ATXN1: variants seen among roughly 807,000 people sequenced by gnomAD.
The protein encoded by ATXN1 is ataxin-1.
Under a neutral mutation model 56.4 loss-of-function variants are expected in ATXN1, and 8 were observed. The ratio of observed to expected loss-of-function variants is 0.14; its 90% CI spans 0.08 to 0.26. The LOEUF is 0.26. Among genes scored for constraint, ATXN1 ranks in the 10% least tolerant of loss-of-function variants. The pLI is 1.00. For missense variants in ATXN1, 987 were observed against 1,106.5 expected (o/e 0.89, Z 1.53); for synonymous variants, 514 against 494.6 (o/e 1.04, Z -0.52).
intron 6 of ATXN1, among the ~76,000 whole-genome samples, chr6:16,402,565 C>T (rs1002353924): frequency 2.6e-5 from 4 of 152,264 alleles, no homozygotes; most frequent in Middle Eastern, 3.4e-3. Flanking sequence ...CTTATGAGAT[C>T]TTTCCCACTG....
chr6:16,600,717 A>C (rs1466633799), intron 3 of ATXN1, among the ~76,000 whole-genome samples: 3 of 152,224 alleles, frequency 2.0e-5, no homozygotes, highest in African/African-American at 4.8e-5. Flanking sequence ...CCCATTCAAC[A>C]ACAAATGTTT....
intron 5 of ATXN1, among the ~76,000 whole-genome samples, chr6:16,502,038 G>GT (rs574671427): frequency 2.6e-4 from 39 of 152,336 alleles, no homozygotes; most frequent in African/African-American, 9.1e-4. Context: ...AAGGAGTAAG[G>GT]ATTTGCTGAA....
intron 6 of ATXN1, among the ~76,000 whole-genome samples, chr6:16,480,208 C>T (rs1760408942): frequency 6.7e-6 from 1 of 149,864 alleles, no homozygotes; most frequent in Non-Finnish European, 1.5e-5. Flanking sequence ...AAAATGGTGG[C>T]CTGGTGGCCA....
intron 5 of ATXN1, among the ~76,000 whole-genome samples, chr6:16,498,479 T>C (rs1216860102): frequency 6.6e-6 from 1 of 152,206 alleles, no homozygotes; most frequent in Non-Finnish European, 1.5e-5. Flanking sequence ...TGAATACCTG[T>C]TTGCAAATCT....
intron 6 of ATXN1, among the ~76,000 whole-genome samples, chr6:16,460,673 T>G (rs1200775639): frequency 6.6e-6 from 1 of 152,156 alleles, no homozygotes; most frequent in Non-Finnish European, 1.5e-5. Flanking sequence ...AGCCCAGACT[T>G]ATGCTTCCCA....
In ATXN1 at chr6:16,306,388, A is replaced by G; in HGVS notation, c.2389T>C (p.Ser797Pro). Residue 797 changes from serine (S) to proline (P), a missense_variant, in exon 8 of 8, where the codon TCT (serine) becomes CCT (proline). Physicochemically the swap from Ser to Pro is moderately conservative, Grantham distance 74. Around this residue, in one of 3 missense-constraint regions of ATXN1, gnomAD observed 196 missense variants for 196.7 expected, o/e 1.00. Transcript: ENST00000436367. The surrounding 1 kb of genome is among the most constrained non-coding windows in gnomAD (Gnocchi z 5.2). Reference sequence around the variant, plus strand: ...ATCTTAACCTCCTGAGGAATTAGAGAAGGCTTAGGAAGAGTCAAAGGTGGT... The same window carrying G: ...ATCTTAACCTCCTGAGGAATTAGAGGAGGCTTAGGAAGAGTCAAAGGTGGT... The part of the protein sequence containing the change: ...DEPPLTLPKP[S>P]LIPQEVKICI... 1.2e-6 allele frequency: 2 copies of G among 1,614,000 alleles called. No individual in the cohort carries two copies. Among genetic ancestry groups the G allele is most frequent in the Non-Finnish European group, 1.7e-6 (2 of 1,179,978 alleles).
chr6:16,451,341 A>C (rs1759748584), intron 6 of ATXN1, among the ~76,000 whole-genome samples: 1 of 152,170 alleles, frequency 6.6e-6, no homozygotes, highest in African/African-American at 2.4e-5. Flanking sequence ...GAAAATACAA[A>C]AATTAGTTAG....
At chr6:16,626,481 G>C (rs181883574) in intron 3 of ATXN1, among the ~76,000 whole-genome samples, 1 of 152,062 alleles carries the variant, frequency 6.6e-6, no homozygotes, top group African/African-American at 2.4e-5. Context: ...TAGTAGAGAC[G>C]GGGTTTCACC....
At chr6:16,399,932 A>T (rs1758534340) in intron 6 of ATXN1, among the ~76,000 whole-genome samples, 1 of 152,178 alleles carries the variant, frequency 6.6e-6, no homozygotes, top group Non-Finnish European at 1.5e-5. Flanking sequence ...CTCCTGGAGG[A>T]CATCCTCTGA....
At chr6:16,458,740 T>C (rs976151229) in intron 6 of ATXN1, among the ~76,000 whole-genome samples, 14 of 152,240 alleles carry the variant, frequency 9.2e-5, no homozygotes, top group Admixed American at 7.8e-4. Context: ...AAAAAGACTG[T>C]CCAACAAGAA....
At chr6:16,731,571 T>G (rs1469850452) in intron 2 of ATXN1, among the ~76,000 whole-genome samples, 1 of 149,828 alleles carries the variant, frequency 6.7e-6, no homozygotes, top group African/African-American at 2.4e-5. Context: ...GACCTTCTGG[T>G]GAAGACAGCC....
intron 2 of ATXN1, among the ~76,000 whole-genome samples, chr6:16,677,528 A>C (rs886812357): frequency 6.6e-6 from 1 of 152,218 alleles, no homozygotes; most frequent in Non-Finnish European, 1.5e-5. Context: ...AAGAGCAAAA[A>C]GATGGGGATA....
At chr6:16,411,308 G>T (rs1758794980) in intron 6 of ATXN1, among the ~76,000 whole-genome samples, 1 of 151,756 alleles carries the variant, frequency 6.6e-6, no homozygotes, top group Admixed American at 6.6e-5. Flanking sequence ...TGACTCTAAG[G>T]TATGGCTATC....
chr6:16,430,758 C>T (rs574014670), intron 6 of ATXN1, among the ~76,000 whole-genome samples: 86 of 151,784 alleles, frequency 5.7e-4, no homozygotes, highest in African/African-American at 2.0e-3. Context: ...TGTGTAGTAA[C>T]AAGATTCCCC....
chr6:16,315,450 T>C (rs967093018), intron 7 of ATXN1, among the ~76,000 whole-genome samples: 2 of 152,152 alleles, frequency 1.3e-5, no homozygotes, highest in African/African-American at 4.8e-5. Context: ...AAGCCTGATG[T>C]GGTCTGCATG....
At chr6:16,510,490 C>G (rs1008177008) in intron 5 of ATXN1, among the ~76,000 whole-genome samples, 2 of 152,196 alleles carry the variant, frequency 1.3e-5, no homozygotes, top group Non-Finnish European at 2.9e-5. Flanking sequence ...ATACCTAGCA[C>G]TGTGGGAGGC....
At chr6:16,671,333 G>A (rs1470589673) in intron 2 of ATXN1, among the ~76,000 whole-genome samples, 3 of 143,088 alleles carry the variant, frequency 2.1e-5, no homozygotes, top group African/African-American at 5.3e-5. Flanking sequence ...TTGCAGTAAC[G>A]TAACAGAATA....
Position 16,462,375 on chromosome 6 carries a change from T to C in ATXN1, c.-161+23597A>G, listed in dbSNP as rs1479479844. ...CCATTGGAAGATTTGTGTCTCCTATTTCAGAAGGAAACATCCCAGACTAAA... is the reference window on the plus strand; with the variant it reads ...CCATTGGAAGATTTGTGTCTCCTATCTCAGAAGGAAACATCCCAGACTAAA... On this transcript the variant is annotated intron_variant, in intron 6 of 7. Transcript: ENST00000436367. 5.9e-5 allele frequency among the ~76,000 whole-genome samples: 9 copies of C among 152,152 alleles called. No homozygotes were observed. In the South Asian group the frequency reaches 8.3e-4, roughly 14 times the overall value.
rs549010865 is a variant in ATXN1, at chr6:16,536,233, AT to A, written c.-360-13546del. ...CCCTGTCTCAACAATAATAATAATA[AT>A]AGTAATAATAAAATAAAATAAAATT... is the stretch of plus-strand genomic sequence containing the variant. On this transcript the variant is annotated intron_variant, in intron 4 of 7. Coordinates refer to ENST00000436367, the MANE Select transcript of ATXN1 (RefSeq NM_001128164.2). Among the ~76,000 whole-genome samples the A allele has an allele frequency of 9.6e-4, 146 of 152,046 alleles. 1 individual carries two copies. The highest frequency in any genetic ancestry group is 3.4e-3 in the African/African-American group (142 of 41,490).
Sources: gnomAD v4.1 joint callset for allele counts (sites outside exome capture counted in the v4.1 genomes callset) on GRCh38, gnomAD v4.1.1 for gene constraint, gnomAD v4.1.1 regional missense constraint, Gnocchi (gnomAD v3.1) non-coding constraint, MANE v1.5 for transcripts, NCBI Gene and HGNC (gene_info 2026-07-23, HGNC 2026-07-21) for gene names.